Variants in GPC5 observed in about 807,000 individuals in gnomAD.
GPC5 encodes the protein glypican 5.
GPC5 carries 47 observed loss-of-function variants against 53.9 expected under a neutral mutation model. The ratio of observed to expected loss-of-function variants is 0.87; its 90% CI spans 0.69 to 1.11. GPC5 has a LOEUF of 1.11. Among genes scored for constraint, GPC5 ranks in the 50% most tolerant of loss-of-function variants. GPC5 has a pLI of 0.00. For missense variants in GPC5, 748 were observed against 713.1 expected (o/e 1.05, Z -0.56); for synonymous variants, 286 against 263.3 (o/e 1.09, Z -0.84).
At chr13:92,797,012 G>A (rs1394826763) in intron 7 of GPC5, among the ~76,000 whole-genome samples, 3 of 151,904 alleles carry the variant, frequency 2.0e-5, no homozygotes, top group Non-Finnish European at 4.4e-5. Context: ...TATAGATTCT[G>A]AGACCACAAA....
At chr13:92,225,763 C>T (rs1001554645) in intron 7 of GPC5, among the ~76,000 whole-genome samples, 1 of 151,884 alleles carries the variant, frequency 6.6e-6, no homozygotes. Context: ...AAAAAAAATG[C>T]CCTTTATAAA....
chr13:92,275,654 G>A (rs1022326813), intron 7 of GPC5, among the ~76,000 whole-genome samples: 2 of 151,956 alleles, frequency 1.3e-5, no homozygotes, highest in Non-Finnish European at 2.9e-5. Flanking sequence ...ATAGAAGAAG[G>A]GCCAAACCAA....
At chr13:92,691,832 T>C (rs891570516) in intron 7 of GPC5, among the ~76,000 whole-genome samples, 2 of 152,018 alleles carry the variant, frequency 1.3e-5, no homozygotes, top group Non-Finnish European at 2.9e-5. Context: ...TTTATTACAG[T>C]TTTACACCTT....
intron 5 of GPC5, among the ~76,000 whole-genome samples, chr13:91,760,070 G>A (rs916947299): frequency 1.3e-5 from 2 of 151,950 alleles, no homozygotes; most frequent in Admixed American, 6.6e-5. Flanking sequence ...AGGTGTTAAA[G>A]TGATACAAGA....
intron 6 of GPC5, among the ~76,000 whole-genome samples, chr13:92,020,295 T>C (rs1008288707): frequency 6.6e-6 from 1 of 152,130 alleles, no homozygotes; most frequent in Non-Finnish European, 1.5e-5. Flanking sequence ...TTAATCTACA[T>C]AACCTACCAC....
intron 7 of GPC5, among the ~76,000 whole-genome samples, chr13:92,521,296 C>T (rs188556984): frequency 6.6e-6 from 1 of 152,012 alleles, no homozygotes. Context: ...CATATGGAAA[C>T]AAAAAAGAGC....
At chr13:92,754,351 A>G (rs1276983150) in intron 7 of GPC5, among the ~76,000 whole-genome samples, 3 of 152,210 alleles carry the variant, frequency 2.0e-5, no homozygotes. Context: ...GAAATGCACA[A>G]ACGGTACCAA....
intron 6 of GPC5, among the ~76,000 whole-genome samples, chr13:91,915,403 G>C (rs963171159): frequency 1.3e-5 from 2 of 152,164 alleles, no homozygotes; most frequent in Middle Eastern, 3.4e-3. Flanking sequence ...ACAATCAACT[G>C]GAAAGGAAAG....
rs372001790 is a variant in GPC5, at chr13:91,860,896, G to GA, written c.1281-47040dup. On this transcript the variant is annotated intron_variant, in intron 5 of 7. Coordinates refer to ENST00000377067, the MANE Select transcript of GPC5 (RefSeq NM_004466.6). Reference sequence around the variant, plus strand: ...TGTGAATAGTGCTGCAATAAACATCGAGGTGCAGATGTTTATTCAATATAC... The same window carrying GA: ...TGTGAATAGTGCTGCAATAAACATCGAAGGTGCAGATGTTTATTCAATATAC... Among the ~76,000 whole-genome samples the GA allele has an allele frequency of 4.0e-3, 610 of 152,230 alleles. 8 individuals are homozygous for GA. Among genetic ancestry groups the GA allele is most frequent in the African/African-American group, 0.014 (582 of 41,538 alleles).
intron 7 of GPC5, chr13:92,240,874 A>T (rs552133748): frequency 2.2e-4 from 33 of 152,290 alleles, no homozygotes; most frequent in African/African-American, 6.0e-4. Context: ...AAAAGTGTGG[A>T]AGAAAAAAAT....
Position 91,471,684 on chromosome 13 carries a change from G to C in GPC5, c.325+22762G>C, listed in dbSNP as rs546895396. Among the ~76,000 whole-genome samples the C allele has an allele frequency of 4.6e-5, 7 of 152,180 alleles. 1 individual carries two copies. The South Asian group carries it at 1.2e-3, about 27-fold the overall frequency. ...CTGTCTCAACACCACTTTGTGGCTA[G>C]TACCTTGTTTTGACTCTTTATCCTG... is the stretch of plus-strand genomic sequence containing the variant. On this transcript the variant is annotated intron_variant, in intron 2 of 7. Coordinates refer to ENST00000377067, the MANE Select transcript of GPC5 (RefSeq NM_004466.6).
At chr13:92,139,287 A>G (rs1425812798) in intron 6 of GPC5, among the ~76,000 whole-genome samples, 8 of 152,214 alleles carry the variant, frequency 5.3e-5, no homozygotes. Flanking sequence ...GTATAGTCAT[A>G]TATTTCATTT....
At chr13:92,704,819 TTACA>T (rs919474327) in intron 7 of GPC5, among the ~76,000 whole-genome samples, 21 of 144,396 alleles carry the variant, frequency 1.5e-4, no homozygotes, top group African/African-American at 5.3e-4. Context: ...ATATATATAC[TTACA>T]TATATATACA....
At chr13:91,954,296 A>G (rs377177329) in intron 6 of GPC5, among the ~76,000 whole-genome samples, 12 of 152,312 alleles carry the variant, frequency 7.9e-5, no homozygotes, top group Middle Eastern at 6.8e-3. Context: ...AAGAAAAATA[A>G]CAGCCCATTT....
intron 7 of GPC5, among the ~76,000 whole-genome samples, chr13:92,379,187 CT>C (rs925630587): frequency 6.6e-6 from 1 of 152,192 alleles, no homozygotes; most frequent in Non-Finnish European, 1.5e-5. Context: ...TTGAAACTCC[CT>C]TTCCCACACA....
chr13:91,492,778 AC>A (rs1311309472), intron 2 of GPC5, among the ~76,000 whole-genome samples: 2 of 152,150 alleles, frequency 1.3e-5, no homozygotes, highest in Non-Finnish European at 2.9e-5. Context: ...CAATGTGTTA[AC>A]TTTTTGACTG....
intron 6 of GPC5, among the ~76,000 whole-genome samples, chr13:92,112,571 T>A (rs2041565865): frequency 6.6e-6 from 1 of 152,074 alleles, no homozygotes; most frequent in African/African-American, 2.4e-5. Flanking sequence ...AGAAAGAAAT[T>A]CAGTCAAGCT....
intron 7 of GPC5, among the ~76,000 whole-genome samples, chr13:92,806,010 T>A (rs1273468723): frequency 6.6e-6 from 1 of 152,032 alleles, no homozygotes; most frequent in East Asian, 1.9e-4. Flanking sequence ...TCTCTAGCTT[T>A]CATAGTTCTC....
chr13:91,415,784 CTATT>C (rs1878177104), intron 1 of GPC5, among the ~76,000 whole-genome samples: 1 of 152,070 alleles, frequency 6.6e-6, no homozygotes, highest in Non-Finnish European at 1.5e-5. Flanking sequence ...TATAAACTAT[CTATT>C]TAACCAAATG....
Sources: allele counts gnomAD v4.1 joint callset (sites outside exome capture counted in the v4.1 genomes callset), GRCh38; gene constraint gnomAD v4.1.1; transcripts MANE v1.5; gene names NCBI Gene and HGNC (gene_info 2026-07-23, HGNC 2026-07-21).